Variants in TMPRSS9 observed in about 807,000 individuals in gnomAD.
TMPRSS9 encodes transmembrane serine protease 9.
A neutral mutation model predicts 111.4 loss-of-function variants in TMPRSS9; 113 were observed. The ratio of observed to expected loss-of-function variants is 1.01; its 90% confidence interval spans 0.87 to 1.19. The LOEUF (loss-of-function observed/expected upper bound fraction) is 1.19. Among genes scored for constraint, TMPRSS9 ranks in the 50% most tolerant of loss-of-function variants. The probability of loss-of-function intolerance (pLI) is 0.00; values close to 1 mark genes in which losing one functional copy is unlikely to be tolerated. For synonymous variants in TMPRSS9, 805 were observed against 659.1 expected (o/e 1.22, Z -3.39); for missense variants, 1,803 against 1,513.1 (o/e 1.19, Z -3.18).
chr19:2,397,096 T>C (rs183512492), intron 2 of TMPRSS9, among the ~76,000 whole-genome samples: 61 of 151,596 alleles, frequency 4.0e-4, no homozygotes, highest in Non-Finnish European at 7.7e-4. Flanking sequence ...GATTTTTGTA[T>C]TTTTAGTAGA....
At chr19:2,423,230 A>AT (rs1971505903) in intron 14 of TMPRSS9, among the ~76,000 whole-genome samples, 1 of 151,402 alleles carries the variant, frequency 6.6e-6, no homozygotes, top group South Asian at 2.1e-4. Context: ...TTCAATAGCT[A>AT]TGGCGTGGGA....
At chr19:2,392,476 A>G (rs1487395017) in intron 1 of TMPRSS9, among the ~76,000 whole-genome samples, 1 of 150,620 alleles carries the variant, frequency 6.6e-6, no homozygotes, top group East Asian at 2.0e-4. Context: ...GGACGCTGAA[A>G]CGGGAGGATT....
chr19:2,375,834 G>A (rs1442579014), intron 1 of TMPRSS9, among the ~76,000 whole-genome samples: 1 of 152,178 alleles, frequency 6.6e-6, no homozygotes, highest in Non-Finnish European at 1.5e-5. Context: ...GGACAAAGCA[G>A]ATCAACGACC....
At chr19:2,422,318 G>A in intron 14 of TMPRSS9, 71 bp downstream of exon 15, 2 of 1,451,238 alleles carry the variant, frequency 1.4e-6, no homozygotes, top group East Asian at 2.5e-5. Context: ...TGCCTAACAA[G>A]ACATAACGTC....
In TMPRSS9 at chr19:2,426,150, A is replaced by C. The variant is rs1390925618; in HGVS notation, c.*62A>C. ...AAGCAACAGGAGCAGCAGGCCACCC[A>C]ACACCCCACCCCACCGTACCCTACC... On this transcript the variant is annotated 3_prime_UTR_variant, in exon 18 of 18. Transcript: ENST00000648592. 8 of 1,388,124 alleles carry C rather than the reference A, an allele frequency of 5.8e-6. No individual in the cohort carries two copies. The South Asian group carries it at 7.0e-5, about 12-fold the overall frequency. The allele number at this position is 1,388,124 out of a possible 1,614,324, so 86.0% of individuals were successfully genotyped here.
chr19:2,405,614 G>T, intron 7 of TMPRSS9, 69 bp downstream of exon 8: 1 of 1,417,076 alleles, frequency 7.1e-7, no homozygotes, highest in Non-Finnish European at 9.3e-7. Context: ...CGTGCACTGG[G>T]GACGTCACTT....
Position 2,381,805 on chromosome 19 carries a change from A to T in TMPRSS9, c.-25-7956A>T, listed in dbSNP as rs140868957. 4.5e-3 allele frequency among the ~76,000 whole-genome samples: 685 copies of T among 151,638 alleles called. 4 individuals are homozygous for T. The highest frequency in any genetic ancestry group is 6.9e-3 in the South Asian group (33 of 4,814). ...TAAAACATTTAGCACCCTCGGAGAC[A>T]TTAGAATTTCAGATATGTATTCATT... On this transcript the variant is annotated intron_variant, in intron 1 of 17. Transcript: ENST00000649857.
intron 11 of TMPRSS9, 96 bp from the exon 13 acceptor site, chr19:2,416,442 G>GTGTGGCT: frequency 6.8e-7 from 1 of 1,477,340 alleles, no homozygotes. Context: ...AGGCAGCCCT[G>GTGTGGCT]TGTGGCTTCC....
chr19:2,361,462 G>A (rs929460223), intron 1 of TMPRSS9, among the ~76,000 whole-genome samples: 1 of 151,962 alleles, frequency 6.6e-6, no homozygotes, highest in East Asian at 1.9e-4. Context: ...CCTCGGAGCC[G>A]CTTCTGAGTA....
intron 13 of TMPRSS9, among the ~76,000 whole-genome samples, chr19:2,419,812 C>T (rs891310899): frequency 2.0e-5 from 3 of 152,128 alleles, no homozygotes; most frequent in Admixed American, 6.6e-5. Flanking sequence ...CCACTGCACC[C>T]GGCCATAGCC....
At chr19:2,416,356 CAGG>C (rs1415873290) in intron 11 of TMPRSS9, 179 bp from the exon 13 acceptor site, 6 of 766,852 alleles carry the variant, frequency 7.8e-6, no homozygotes, top group Admixed American at 6.1e-5. Flanking sequence ...GGATCCTTTT[CAGG>C]AGGAGCCCAG....
intron 1 of TMPRSS9, among the ~76,000 whole-genome samples, chr19:2,395,149 G>C (rs1304595456): frequency 2.0e-5 from 3 of 152,134 alleles, no homozygotes; most frequent in Admixed American, 6.6e-5. Flanking sequence ...TGGGTGCAGT[G>C]GCTCACGCCT....
intron 1 of TMPRSS9, among the ~76,000 whole-genome samples, chr19:2,383,838 T>C: frequency 6.6e-6 from 1 of 151,650 alleles, no homozygotes; most frequent in East Asian, 2.0e-4. Context: ...TAGATGTTAA[T>C]TGTATCTAAA....
intron 14 of TMPRSS9, among the ~76,000 whole-genome samples, chr19:2,422,895 G>A (rs1971498372): frequency 6.7e-6 from 1 of 150,286 alleles, no homozygotes; most frequent in South Asian, 2.1e-4. Flanking sequence ...CTAGATAATA[G>A]TAATAAAAAT....
At position 2,362,822 on chromosome 19, in the gene TMPRSS9, G is replaced by A. The variant is rs560920998; in HGVS notation, c.-26+2462G>A. ...TGTGTGGTTGTATGTGGTTGTGTGA[G>A]GTGTGTTTTGTGAGGGTGTGTGTGG... On this transcript the variant is annotated intron_variant, in intron 1 of 17. Coordinates refer to the TMPRSS9 transcript ENST00000649857. Among the ~76,000 whole-genome samples, 22 of 151,940 alleles carry A rather than the reference G, an allele frequency of 1.4e-4. No homozygotes were observed. The South Asian group carries it at 4.6e-3, about 32-fold the overall frequency.
intron 14 of TMPRSS9, among the ~76,000 whole-genome samples, chr19:2,422,738 A>G (rs1479455921): frequency 6.6e-6 from 1 of 152,130 alleles, no homozygotes; most frequent in Non-Finnish European, 1.5e-5. Context: ...AATAAATAAA[A>G]AAAGCCAGGC....
In TMPRSS9 at chr19:2,425,959, G is replaced by C. The variant is rs746183325; in HGVS notation, c.3153G>C (p.Glu1051Asp). The change falls in exon 18 of 18, where the codon GAG (glutamate) becomes GAC (aspartate). Residue 1051 changes from glutamate to aspartate, a missense_variant. Coordinates refer to ENST00000648592, the Ensembl canonical transcript of TMPRSS9. ...CTGGGGGACCCCTGGCCTGCAGGGA[G>C]CCCTCTGGACGGTGGGTGCTAACTG... The C allele has an allele frequency of 2.0e-5, 32 of 1,603,328 alleles. No individual in the cohort carries two copies. In the East Asian group the frequency reaches 6.3e-4, roughly 31 times the overall value.
intron 9 of TMPRSS9, 66 bp from the exon 11 acceptor site, chr19:2,413,634 C>T: frequency 6.6e-7 from 1 of 1,522,536 alleles, no homozygotes; most frequent in Non-Finnish European, 8.9e-7. Flanking sequence ...CTTCTTGGGC[C>T]TCGTAGCACT....
chr19:2,400,056 G>A (rs148907452), intron 4 of TMPRSS9, among the ~76,000 whole-genome samples: 274 of 152,260 alleles, frequency 1.8e-3, no homozygotes, highest in African/African-American at 6.4e-3. Flanking sequence ...GGTCCGTTGG[G>A]TTTCTGTGAC....
Sources: allele counts gnomAD v4.1 joint callset (sites outside exome capture counted in the v4.1 genomes callset), GRCh38; gene constraint gnomAD v4.1.1; transcripts MANE v1.5; gene names NCBI Gene and HGNC (gene_info 2026-07-23, HGNC 2026-07-21).